PDE4D: variants seen among roughly 807,000 people sequenced by gnomAD.
PDE4D encodes the protein phosphodiesterase 4D.
PDE4D carries 24 observed loss-of-function variants against 87.4 expected under a neutral mutation model. The observed-to-expected ratio is 0.27, with a 90% CI of 0.20 to 0.39. The LOEUF is 0.39. Among genes scored for constraint, PDE4D ranks in the 10% least tolerant of loss-of-function variants. PDE4D has a pLI of 1.00. For synonymous variants in PDE4D, 384 were observed against 383.2 expected, an observed-to-expected ratio of 1.00 and a Z score of -0.02; for missense variants, 714 against 1,041.0, an observed-to-expected ratio of 0.69 and a Z score of 4.32.
At chr5:59,999,637 G>A (rs1763848658) in intron 2 of PDE4D, among the ~76,000 whole-genome samples, 1 of 151,344 alleles carries the variant, frequency 6.6e-6, no homozygotes, top group Admixed American at 6.6e-5. Flanking sequence ...CTGAAGAGGT[G>A]GCTGCTTTTT....
At chr5:59,931,131 T>C (rs1755867283) in intron 3 of PDE4D, among the ~76,000 whole-genome samples, 1 of 152,222 alleles carries the variant, frequency 6.6e-6, no homozygotes, top group African/African-American at 2.4e-5. Flanking sequence ...ATCAAAGCAA[T>C]ACTTTTCAAG....
chr5:59,713,592 G>A (rs888170904), intron 1 of PDE4D, among the ~76,000 whole-genome samples: 9 of 152,092 alleles, frequency 5.9e-5, no homozygotes, highest in African/African-American at 1.4e-4. Context: ...TTGGCATCAC[G>A]AACAGGATCC....
chr5:59,044,021 T>C (rs1312139223), intron 5 of PDE4D, among the ~76,000 whole-genome samples: 1 of 152,190 alleles, frequency 6.6e-6, no homozygotes, highest in South Asian at 2.1e-4. Context: ...AACATACGTG[T>C]GCATGTGTCT....
Position 60,460,744 on chromosome 5 carries a change from C to T in PDE4D, c.-90+27198G>A, listed in dbSNP as rs567368801. 3 of 676,452 alleles carry T rather than the reference C, an allele frequency of 4.4e-6. No homozygotes were observed. In the East Asian group the frequency reaches 8.3e-5, roughly 19 times the overall value. 41.9% of individuals were successfully genotyped at this position (676,452 alleles called of 1,614,324 possible). A position where few individuals can be genotyped will look rare whatever the true frequency, so the allele number is the denominator to read the frequency against. ...AGACTGGCATTTGGGGGCCATGCTG[C>T]TAGGGAAGTCCAAGAACCAGACCAC... is the stretch of plus-strand genomic sequence containing the variant. On this transcript the variant is annotated intron_variant, in intron 1 of 16. Transcript: ENST00000502484.
intron 11 of PDE4D, among the ~76,000 whole-genome samples, chr5:58,977,723 G>C (rs1744141302): frequency 1.3e-5 from 2 of 152,050 alleles, no homozygotes; most frequent in Admixed American, 1.3e-4. Context: ...TGATAACTGT[G>C]AATTACCTAC....
intron 1 of PDE4D, among the ~76,000 whole-genome samples, chr5:59,405,493 C>T (rs905911431): frequency 2.0e-5 from 3 of 152,118 alleles, no homozygotes; most frequent in African/African-American, 7.2e-5. Context: ...TTAGGTTTTT[C>T]CAAATATAAA....
intron 2 of PDE4D, among the ~76,000 whole-genome samples, chr5:60,108,673 T>C (rs1050780171): frequency 3.3e-5 from 5 of 151,980 alleles, no homozygotes; most frequent in Admixed American, 2.6e-4. Flanking sequence ...TATAGATCAA[T>C]GGAACAGAAC....
chr5:59,189,232 G>GTTTTTTTTTTGTTTTTTTTTTTTT (rs1561662951), intron 3 of PDE4D, among the ~76,000 whole-genome samples: 1 of 99,898 alleles, frequency 1.0e-5, no homozygotes, highest in African/African-American at 3.4e-5. Context: ...TTCCTACCCC[G>GTTTTTTTTTTGTTTTTTTTTTTTT]TTTTTTTTTT....
upstream of PDE4D, among the ~76,000 whole-genome samples, chr5:60,492,351 T>C (rs1749579188): frequency 6.6e-6 from 1 of 152,122 alleles, no homozygotes; most frequent in South Asian, 2.1e-4. Context: ...GGTGGGAGGA[T>C]CACTTAAGTC....
intron 3 of PDE4D, among the ~76,000 whole-genome samples, chr5:59,949,434 C>CA (rs59654913): frequency 0.043 from 2,470 of 57,540 alleles, 72 homozygotes; most frequent in African/African-American, 0.079. Flanking sequence ...CTCCGTCTCA[C>CA]AAAAAAAAAA....
intron 1 of PDE4D, among the ~76,000 whole-genome samples, chr5:59,747,531 A>T (rs1205539614): frequency 6.6e-6 from 1 of 152,022 alleles, no homozygotes; most frequent in Non-Finnish European, 1.5e-5. Context: ...GGAATTTCAC[A>T]TTTCTCTAGA....
intron 1 of PDE4D, among the ~76,000 whole-genome samples, chr5:59,335,080 C>A (rs1291782923): frequency 2.0e-5 from 3 of 152,110 alleles, no homozygotes; most frequent in African/African-American, 7.2e-5. Context: ...TTCTTCAATG[C>A]ATTTTATCTA....
intron 1 of PDE4D, among the ~76,000 whole-genome samples, chr5:60,383,154 G>C (rs1761979477): frequency 6.6e-6 from 1 of 152,088 alleles, no homozygotes; most frequent in Non-Finnish European, 1.5e-5. Flanking sequence ...TAGGTGGGCT[G>C]TTTTGTACAG....
chr5:59,084,337 TA>T (rs1315185745), intron 5 of PDE4D, among the ~76,000 whole-genome samples: 1 of 151,898 alleles, frequency 6.6e-6, no homozygotes, highest in Non-Finnish European at 1.5e-5. Flanking sequence ...GAGATATAAA[TA>T]TATGATGTAA....
At chr5:59,411,069 C>A (rs1792596770) in intron 1 of PDE4D, among the ~76,000 whole-genome samples, 1 of 152,168 alleles carries the variant, frequency 6.6e-6, no homozygotes, top group Non-Finnish European at 1.5e-5. Flanking sequence ...GGTCTCCTAG[C>A]TGAGCAGGGT....
intron 2 of PDE4D, among the ~76,000 whole-genome samples, chr5:60,150,556 G>T (rs1242924683): frequency 6.6e-6 from 1 of 152,012 alleles, no homozygotes; most frequent in Non-Finnish European, 1.5e-5. Flanking sequence ...ATGCTCACTG[G>T]TCTGATGGTG....
rs945827491 is a variant in PDE4D at position 60,391,727 on chromosome 5, C to T, written c.-90+96215G>A. On this transcript the variant is annotated intron_variant, in intron 1 of 16. Coordinates refer to the PDE4D transcript ENST00000502484. ...ATCATCTGATTAGTAATCTTAATTC[C>T]ATCCACAATCTTAACTCTCCTTTGT... Among the ~76,000 whole-genome samples the T allele has an allele frequency of 2.0e-5, 3 of 152,074 alleles. No homozygotes were observed. The South Asian group carries it at 6.2e-4, about 32-fold the overall frequency.
chr5:59,716,014 C>G (rs559589360), intron 1 of PDE4D, among the ~76,000 whole-genome samples: 15 of 152,082 alleles, frequency 9.9e-5, no homozygotes, highest in South Asian at 2.1e-4. Context: ...CCAGAGTGTA[C>G]GTATAAGGCC....
chr5:59,435,511 G>A (rs531121993), intron 1 of PDE4D, among the ~76,000 whole-genome samples: 28 of 152,194 alleles, frequency 1.8e-4, no homozygotes, highest in East Asian at 9.7e-4. Context: ...CCTTTTAAGC[G>A]TAATCTCTTC....
Sources: gnomAD v4.1 joint callset for allele counts (sites outside exome capture counted in the v4.1 genomes callset) on GRCh38, gnomAD v4.1.1 for gene constraint, MANE v1.5 for transcripts, NCBI Gene and HGNC (gene_info 2026-07-23, HGNC 2026-07-21) for gene names.